The following CCDC148 variants were observed in gnomAD, a reference collection of about 807,000 sequenced individuals.
CCDC148 encodes the protein coiled-coil domain containing 148.
A neutral mutation model predicts 85.7 loss-of-function variants in CCDC148; 89 were observed. The observed-to-expected ratio is 1.04, with a 90% CI of 0.87 to 1.24. The LOEUF is 1.24. Ranked by LOEUF, CCDC148 falls within the 50% of genes most tolerant of loss-of-function variation. CCDC148 has a pLI of 0.00. For synonymous variants in CCDC148, 230 were observed against 213.9 expected, an observed-to-expected ratio of 1.08 and a Z score of -0.66; for missense variants, 692 against 671.7, an observed-to-expected ratio of 1.03 and a Z score of -0.33.
At chr2:158,238,386 T>C (rs1231043465) in intron 10 of CCDC148, among the ~76,000 whole-genome samples, 1 of 152,052 alleles carries the variant, frequency 6.6e-6, no homozygotes, top group African/African-American at 2.4e-5. Context: ...GGTGGGCAGA[T>C]GTCATATTGG....
At chr2:158,272,617 C>T (rs984404234) in intron 9 of CCDC148, among the ~76,000 whole-genome samples, 1 of 152,130 alleles carries the variant, frequency 6.6e-6, no homozygotes, top group Non-Finnish European at 1.5e-5. Flanking sequence ...GAGTAGGATG[C>T]ACAGTGCTGT....
At chr2:158,261,837 T>C (rs558482256) in intron 9 of CCDC148, among the ~76,000 whole-genome samples, 2 of 152,190 alleles carry the variant, frequency 1.3e-5, no homozygotes, top group Admixed American at 6.6e-5. Context: ...CCAGTCACAA[T>C]GGCCATTATT....
intron 10 of CCDC148, among the ~76,000 whole-genome samples, chr2:158,230,757 C>T (rs1341619840): frequency 2.6e-5 from 4 of 152,222 alleles, no homozygotes; most frequent in African/African-American, 4.8e-5. Context: ...GAAAAGGCAG[C>T]GCTCGTCCCT....
intron 7 of CCDC148, among the ~76,000 whole-genome samples, chr2:158,336,206 A>C (rs1445283027): frequency 1.3e-5 from 2 of 152,172 alleles, no homozygotes; most frequent in Admixed American, 1.3e-4. Context: ...GATTGAACCT[A>C]TAATTCATTG....
At chr2:158,418,592 T>C (rs1227963914) in intron 1 of CCDC148, among the ~76,000 whole-genome samples, 1 of 152,106 alleles carries the variant, frequency 6.6e-6, no homozygotes, top group African/African-American at 2.4e-5. Context: ...TCAGGTCTTG[T>C]TTCAAAAGTC....
intron 2 of CCDC148, among the ~76,000 whole-genome samples, chr2:158,348,163 T>C (rs911962068): frequency 3.3e-5 from 5 of 152,052 alleles, no homozygotes; most frequent in Admixed American, 2.6e-4. Context: ...ATAAAAGATA[T>C]ATGCACAAAG....
intron 7 of CCDC148, among the ~76,000 whole-genome samples, chr2:158,334,137 G>C (rs1170523126): frequency 6.6e-6 from 1 of 152,060 alleles, no homozygotes; most frequent in African/African-American, 2.4e-5. Flanking sequence ...CCTATGACTG[G>C]GTCCTCCTGG....
chr2:158,421,364 A>C (rs908421494), intron 1 of CCDC148, among the ~76,000 whole-genome samples: 2 of 152,210 alleles, frequency 1.3e-5, no homozygotes, highest in Non-Finnish European at 2.9e-5. Flanking sequence ...CAAATGTCAA[A>C]GAATAGAAAT....
At chr2:158,401,397 G>T (rs969294524) in intron 1 of CCDC148, among the ~76,000 whole-genome samples, 19 of 152,118 alleles carry the variant, frequency 1.2e-4, no homozygotes, top group Admixed American at 4.6e-4. Flanking sequence ...CATGTCCTTT[G>T]CAGGGACATG....
At chr2:158,328,472 A>G (rs1692909739) in intron 7 of CCDC148, among the ~76,000 whole-genome samples, 1 of 152,184 alleles carries the variant, frequency 6.6e-6, no homozygotes, top group Admixed American at 6.5e-5. Context: ...CACAATAAAC[A>G]TACGTGTGCA....
At chr2:158,406,030 G>A (rs1236687749) in intron 1 of CCDC148, among the ~76,000 whole-genome samples, 4 of 152,110 alleles carry the variant, frequency 2.6e-5, no homozygotes, top group Non-Finnish European at 5.9e-5. Context: ...CCTCCTTATT[G>A]ATCGTCAGGG....
At position 158,347,506 on chromosome 2, in the gene CCDC148, G is replaced by T. The variant is rs141051888; in HGVS notation, c.148-2188C>A. 3.9e-3 allele frequency among the ~76,000 whole-genome samples: 597 copies of T among 152,076 alleles called. 3 individuals carry two copies. The highest frequency in any genetic ancestry group is 0.013 in the African/African-American group (529 of 41,506). On this transcript the variant is annotated intron_variant, in intron 2 of 13. Coordinates refer to ENST00000283233, the MANE Select transcript of CCDC148 (RefSeq NM_138803.4). The stretch of plus-strand genomic sequence containing the variant: ...ATTTAAAGTTCTATCTTTAACAACA[G>T]AGAGATGTCTAGGTGATTCCAATTC...
chr2:158,357,272 G>A (rs893505962), intron 2 of CCDC148, among the ~76,000 whole-genome samples: 10 of 151,206 alleles, frequency 6.6e-5, no homozygotes, highest in Non-Finnish European at 7.4e-5. Context: ...AACATAGCCT[G>A]GGTGGCTTAA....
At chr2:158,302,206 TG>T (rs1187924266) in intron 9 of CCDC148, among the ~76,000 whole-genome samples, 1 of 151,870 alleles carries the variant, frequency 6.6e-6, no homozygotes, top group South Asian at 2.1e-4. Context: ...AGGCATAGGG[TG>T]GGGAGGAAGA....
chr2:158,434,453 A>G (rs1425285939), intron 1 of CCDC148, among the ~76,000 whole-genome samples: 1 of 152,166 alleles, frequency 6.6e-6, no homozygotes, highest in Non-Finnish European at 1.5e-5. Context: ...GGACATCCAC[A>G]CCAAAACACC....
At chr2:158,211,144 C>T (rs1245438712) in intron 11 of CCDC148, among the ~76,000 whole-genome samples, 1 of 151,612 alleles carries the variant, frequency 6.6e-6, no homozygotes, top group East Asian at 1.9e-4. Flanking sequence ...TGTAACCAAC[C>T]TGTACATTCT....
At chr2:158,321,496 G>A (rs1166234778) in intron 7 of CCDC148, among the ~76,000 whole-genome samples, 1 of 152,148 alleles carries the variant, frequency 6.6e-6, no homozygotes, top group Non-Finnish European at 1.5e-5. Context: ...CCTGAGACTG[G>A]ACATGCCCAG....
At chr2:158,365,994 G>C (rs1197681307) in intron 1 of CCDC148, 44 of 1,480,882 alleles carry the variant, frequency 3.0e-5, no homozygotes, top group Non-Finnish European at 3.7e-5. Context: ...ATAAAACAGA[G>C]TTGGAAGTAA....
intron 7 of CCDC148, among the ~76,000 whole-genome samples, chr2:158,323,992 G>T (rs1407795749): frequency 2.3e-5 from 3 of 130,574 alleles, no homozygotes; most frequent in African/African-American, 8.6e-5. Context: ...GCCGTGGTGT[G>T]ATCTCAGCTT....
Sources: gnomAD v4.1 joint callset for allele counts (sites outside exome capture counted in the v4.1 genomes callset) on GRCh38, gnomAD v4.1.1 for gene constraint, MANE v1.5 for transcripts, NCBI Gene and HGNC (gene_info 2026-07-23, HGNC 2026-07-21) for gene names.